Variants in CEP57L1 observed in about 807,000 individuals in gnomAD.
CEP57L1 encodes centrosomal protein CEP57L1.
CEP57L1 carries 37 observed loss-of-function variants against 61.0 expected under a neutral mutation model. That is an observed-to-expected ratio of 0.61 (90% CI 0.47 to 0.80). The LOEUF (loss-of-function observed/expected upper bound fraction) is 0.80, where lower values mean the gene tolerates loss of function less well. CEP57L1 is among the 30% of genes least tolerant of loss of function. The pLI, the probability that CEP57L1 is intolerant of heterozygous loss-of-function variation, is 0.00. For missense variants in CEP57L1, 422 were observed against 524.7 expected (o/e 0.80, Z 1.91); for synonymous variants, 137 against 162.3 (o/e 0.84, Z 1.19).
rs1403818354 is a variant in CEP57L1, at chr6:109,163,008, G to A, written c.*38G>A. The A allele has an allele frequency of 1.5e-6, 2 of 1,298,530 alleles. No homozygotes were observed. The highest frequency in any genetic ancestry group is 1.7e-5 in the Admixed American group (1 of 57,894). The allele number at this position is 1,298,530 out of a possible 1,614,324, so 80.4% of individuals were successfully genotyped here. A position where few individuals can be genotyped will look rare whatever the true frequency, so the allele number is the denominator to read the frequency against. The stretch of plus-strand genomic sequence containing the variant: ...ACTGTCACCTTAATGAACTTTGTCA[G>A]TGAGACCTTGAATTGTCTAAAGTGG... On this transcript the variant is annotated 3_prime_UTR_variant, in exon 11 of 11. Transcript: ENST00000517392.
chr6:109,137,446 T>C (rs1352592661), intron 1 of CEP57L1, among the ~76,000 whole-genome samples: 38 of 151,966 alleles, frequency 2.5e-4, no homozygotes, highest in Admixed American at 2.5e-3. Flanking sequence ...GGACTACAGG[T>C]GTGTGCCACC....
chr6:109,135,004 A>AT (rs1186740728), intron 1 of CEP57L1, among the ~76,000 whole-genome samples: 1 of 152,194 alleles, frequency 6.6e-6, no homozygotes, highest in African/African-American at 2.4e-5. Context: ...TAATTTATAG[A>AT]TTCAATGCCA....
intron 1 of CEP57L1, among the ~76,000 whole-genome samples, chr6:109,113,906 C>T (rs1771976653): frequency 6.6e-6 from 1 of 152,042 alleles, no homozygotes; most frequent in South Asian, 2.1e-4. Context: ...ACAGACATTG[C>T]TAGAATAAAG....
At chr6:109,097,131 A>G (rs1781798382) in intron 1 of CEP57L1, among the ~76,000 whole-genome samples, 1 of 152,234 alleles carries the variant, frequency 6.6e-6, no homozygotes, top group Non-Finnish European at 1.5e-5. Flanking sequence ...TGAAAGCTAA[A>G]CATTATTCTT....
At position 109,095,550 on chromosome 6, in the gene CEP57L1, A is replaced by G. The variant is rs1583311234; in HGVS notation, c.-29A>G. On this transcript the variant is annotated 5_prime_UTR_variant, in exon 1 of 11. Coordinates refer to ENST00000517392, the MANE Select transcript of CEP57L1 (RefSeq NM_001271852.3). ...CCGCGAACCAACGGTTAGCGGTGGC[A>G]GGGGCTGACTGAGAGCGTCTGCTTG... 2 of 985,826 alleles carry G rather than the reference A, an allele frequency of 2.0e-6. No individual in the cohort carries two copies. Among genetic ancestry groups the G allele is most frequent in the Non-Finnish European group, 2.4e-6 (2 of 829,930 alleles). 61.1% of individuals were successfully genotyped at this position (985,826 alleles called of 1,614,324 possible).
intron 1 of CEP57L1, among the ~76,000 whole-genome samples, chr6:109,126,738 A>C (rs1434885027): frequency 1.3e-5 from 2 of 152,214 alleles, no homozygotes; most frequent in East Asian, 1.9e-4. Flanking sequence ...TAAATTCAGC[A>C]CTTGAGTTTA....
At chr6:109,112,980 T>A (rs1237378158) in intron 1 of CEP57L1, among the ~76,000 whole-genome samples, 2 of 152,200 alleles carry the variant, frequency 1.3e-5, no homozygotes, top group African/African-American at 4.8e-5. Context: ...GAGGAATGTA[T>A]ATTCTGTTGA....
intron 1 of CEP57L1, among the ~76,000 whole-genome samples, chr6:109,141,255 G>A (rs1389091915): frequency 2.0e-5 from 3 of 151,764 alleles, no homozygotes; most frequent in Non-Finnish European, 4.4e-5. Flanking sequence ...TCACATTGTT[G>A]CCTGTGCTAG....
At chr6:109,122,827 T>C (rs1773129345) in intron 1 of CEP57L1, among the ~76,000 whole-genome samples, 1 of 152,002 alleles carries the variant, frequency 6.6e-6, no homozygotes, top group African/African-American at 2.4e-5. Flanking sequence ...AAAAGACTCA[T>C]CAGACACTTA....
chr6:109,145,196 T>TATTAC (rs1771822778), intron 1 of CEP57L1, 23 bp from the exon 2 acceptor site: 5 of 1,461,834 alleles, frequency 3.4e-6, no homozygotes, highest in Non-Finnish European at 4.6e-6. Context: ...CATGATACTA[T>TATTAC]ATCATTCCTT....
At chr6:109,146,348 GA>G (rs532585951) in intron 2 of CEP57L1, among the ~76,000 whole-genome samples, 3 of 151,610 alleles carry the variant, frequency 2.0e-5, no homozygotes, top group Admixed American at 6.6e-5. Flanking sequence ...CAAGAACTGA[GA>G]AAAAAAGCCT....
Position 109,160,630 on chromosome 6 carries a change from G to T in CEP57L1, c.1075G>T (p.Asp359Tyr). The T allele has an allele frequency of 1.2e-6, 2 of 1,605,796 alleles. No individual in the cohort carries two copies. The highest frequency in any genetic ancestry group is 1.7e-6 in the Non-Finnish European group (2 of 1,177,274). ...AACTGAAAGTCATTCAGTCTGTGACGACATAGAATGTGAACTAGAGTGTTT... is the reference window on the plus strand; with the variant it reads ...AACTGAAAGTCATTCAGTCTGTGACTACATAGAATGTGAACTAGAGTGTTT... ...KETESHSVCD[D>Y]IECELECLLK... Residue 359 changes from aspartate to tyrosine, a missense_variant, in exon 10 of 11, where the codon GAC becomes TAC. Asp to Tyr is a radical substitution (Grantham distance 160, BLOSUM62 -3). Transcript: ENST00000517392.
intron 1 of CEP57L1, among the ~76,000 whole-genome samples, chr6:109,124,513 A>C (rs997098452): frequency 6.6e-6 from 1 of 152,222 alleles, no homozygotes; most frequent in Non-Finnish European, 1.5e-5. Flanking sequence ...ACCTTGGATG[A>C]AACAGTTTTT....
rs1475118559 is a variant in CEP57L1, at chr6:109,160,620, A to C, written c.1065A>C (p.Ser355=). The part of the protein sequence containing the change: ...LKQMKETESH[S]VCDDIECELE... ...AAATGAAGGAAACTGAAAGTCATTC[A>C]GTCTGTGACGACATAGAATGTGAAC... The change falls in exon 10 of 11, where the codon TCA becomes TCC. Residue 355 remains serine, a synonymous_variant. Coordinates refer to ENST00000517392, the MANE Select transcript of CEP57L1 (RefSeq NM_001271852.3). 5.0e-6 allele frequency: 8 copies of C among 1,605,478 alleles called. No individual in the cohort carries two copies. Among genetic ancestry groups the C allele is most frequent in the Non-Finnish European group, 6.8e-6 (8 of 1,177,384 alleles).
At chr6:109,095,936 G>C (rs1456082947) in intron 1 of CEP57L1, among the ~76,000 whole-genome samples, 2 of 152,172 alleles carry the variant, frequency 1.3e-5, no homozygotes, top group Admixed American at 6.5e-5. Context: ...CCTTTGCTTA[G>C]GGATGTTCTG....
At chr6:109,099,610 C>T (rs896392045) in intron 1 of CEP57L1, among the ~76,000 whole-genome samples, 15 of 151,928 alleles carry the variant, frequency 9.9e-5, no homozygotes, top group African/African-American at 2.7e-4. Context: ...AGTGCAGTGG[C>T]GCTATCTCGG....
At chr6:109,130,147 C>T (rs533293072) in intron 1 of CEP57L1, among the ~76,000 whole-genome samples, 3 of 152,234 alleles carry the variant, frequency 2.0e-5, no homozygotes, top group South Asian at 2.1e-4. Context: ...TCCCCTACTA[C>T]GCATTGTTAT....
intron 1 of CEP57L1, among the ~76,000 whole-genome samples, chr6:109,136,354 G>A (rs529941062): frequency 1.4e-4 from 21 of 152,284 alleles, no homozygotes; most frequent in Admixed American, 9.8e-4. Flanking sequence ...TCATAGGTGG[G>A]AATTGAACAA....
At position 109,127,888 on chromosome 6, in the gene CEP57L1, A is replaced by G. The variant is rs184157359; in HGVS notation, c.-3-17331A>G. 8.8e-3 allele frequency among the ~76,000 whole-genome samples: 1,345 copies of G among 151,998 alleles called. 25 individuals are homozygous for G. The highest frequency in any genetic ancestry group is 0.031 in the African/African-American group (1,280 of 41,442). ...CGTGATCCGCCCGCCTCGGCCTCCC[A>G]AAGTGCTGGGATTACAGACATGAGC... On this transcript the variant is annotated intron_variant, in intron 1 of 10. Coordinates refer to ENST00000517392, the MANE Select transcript of CEP57L1 (RefSeq NM_001271852.3).
Sources: gnomAD v4.1 joint callset for allele counts (sites outside exome capture counted in the v4.1 genomes callset) on GRCh38, gnomAD v4.1.1 for gene constraint, MANE v1.5 for transcripts, NCBI Gene and HGNC (gene_info 2026-07-23, HGNC 2026-07-21) for gene names.